The following RBM47 variants were observed in gnomAD, a reference collection of about 807,000 sequenced individuals.
RBM47 encodes the protein RNA-binding protein 47.
RBM47 carries 21 observed loss-of-function variants against 47.1 expected under a neutral mutation model. The observed-to-expected ratio is 0.45, with a 90% confidence interval of 0.32 to 0.64. RBM47 has a LOEUF of 0.64. Among genes scored for constraint, RBM47 ranks in the 30% least tolerant of loss-of-function variants. RBM47 has a pLI of 0.05. For missense variants in RBM47, 708 were observed against 870.9 expected (o/e 0.81, Z 2.35); for synonymous variants, 375 against 361.7 (o/e 1.04, Z -0.42).
intron 3 of RBM47, among the ~76,000 whole-genome samples, chr4:40,441,095 C>G (rs1713552863): frequency 1.3e-5 from 2 of 151,768 alleles, no homozygotes; most frequent in Non-Finnish European, 2.9e-5. Context: ...TCTGTAGTTT[C>G]AAGTTGAAAA....
intron 3 of RBM47, among the ~76,000 whole-genome samples, chr4:40,440,192 A>G (rs1310691955): frequency 2.0e-5 from 3 of 152,246 alleles, no homozygotes; most frequent in Non-Finnish European, 4.4e-5. Flanking sequence ...AGTTAAATTT[A>G]TAGAAAGTTA....
At chr4:40,542,637 C>T (rs1325500867) in intron 2 of RBM47, 1 of 152,340 alleles carries the variant, frequency 6.6e-6, no homozygotes, top group Non-Finnish European at 1.5e-5. Context: ...TCCCAAGTAG[C>T]TGGGACTATG....
At chr4:40,546,115 A>G (rs1428535828) in intron 1 of RBM47, among the ~76,000 whole-genome samples, 1 of 152,028 alleles carries the variant, frequency 6.6e-6, no homozygotes, top group Non-Finnish European at 1.5e-5. Flanking sequence ...TACACAAATA[A>G]TATTCTCTAA....
intron 2 of RBM47, among the ~76,000 whole-genome samples, chr4:40,529,111 G>A (rs933794928): frequency 6.6e-6 from 1 of 152,104 alleles, no homozygotes; most frequent in Non-Finnish European, 1.5e-5. Context: ...CACTTGAAAT[G>A]TGCCGCTGGC....
chr4:40,568,866 A>G (rs372244153), intron 1 of RBM47, among the ~76,000 whole-genome samples: 53 of 151,972 alleles, frequency 3.5e-4, no homozygotes, highest in African/African-American at 1.2e-3. Flanking sequence ...CTGTAGTCCC[A>G]GCTACTCGGG....
intron 1 of RBM47, among the ~76,000 whole-genome samples, chr4:40,590,301 A>G (rs1488414927): frequency 6.6e-6 from 1 of 152,136 alleles, no homozygotes; most frequent in Non-Finnish European, 1.5e-5. Flanking sequence ...AGGATGACAC[A>G]GGAGGATTGC....
chr4:40,441,337 C>A lies in RBM47; in HGVS notation c.-31-2413G>T, dbSNP rs567307063. Among the ~76,000 whole-genome samples the A allele has an allele frequency of 3.6e-3, 539 of 151,772 alleles. 3 individuals carry two copies. Among genetic ancestry groups the A allele is most frequent in the African/African-American group, 0.012 (516 of 41,424 alleles). ...CTCACTATGTTACCCCAGCTAGTCT[C>A]AAACTCCTGGGCTCAAGTAATCCTC... On this transcript the variant is annotated intron_variant, in intron 3 of 6. Transcript: ENST00000295971.
chr4:40,621,660 T>C (rs1199114074), intron 1 of RBM47, among the ~76,000 whole-genome samples: 4 of 152,164 alleles, frequency 2.6e-5, no homozygotes, highest in Non-Finnish European at 2.9e-5. Context: ...TAAATGACAG[T>C]AGAAAAGGTG....
intron 1 of RBM47, among the ~76,000 whole-genome samples, chr4:40,599,885 T>C (rs1329307584): frequency 6.6e-6 from 1 of 152,124 alleles, no homozygotes; most frequent in Non-Finnish European, 1.5e-5. Context: ...TCAGTGAATA[T>C]AGGGTGGTTT....
Position 40,425,888 on chromosome 4 carries a change from G to T in RBM47, c.*16C>A. 1 of 1,613,256 alleles carries T rather than the reference G, an allele frequency of 6.2e-7. No homozygotes were observed. The highest frequency in any genetic ancestry group is 8.5e-7 in the Non-Finnish European group (1 of 1,179,402). On this transcript the variant is annotated 3_prime_UTR_variant, in exon 7 of 7. Transcript: ENST00000295971. ...AGTGGTGTTTGTGTGGTCTGTCTTC[G>T]TGCTGGTCACCAGCCTCAGTATGTC...
At chr4:40,492,534 T>C (rs147614902) in intron 2 of RBM47, among the ~76,000 whole-genome samples, 1 of 152,202 alleles carries the variant, frequency 6.6e-6, no homozygotes, top group Non-Finnish European at 1.5e-5. Flanking sequence ...AGCTCAGGCA[T>C]GCACCTGTGG....
intron 2 of RBM47, among the ~76,000 whole-genome samples, chr4:40,500,245 G>A (rs184348173): frequency 8.3e-4 from 124 of 149,806 alleles, no homozygotes; most frequent in African/African-American, 3.0e-3. Flanking sequence ...CCCTGGAGGT[G>A]GAGGTTGCAG....
chr4:40,572,813 T>G (rs931251481), intron 1 of RBM47, among the ~76,000 whole-genome samples: 10 of 151,920 alleles, frequency 6.6e-5, no homozygotes, highest in African/African-American at 1.7e-4. Context: ...GTGAGCCTCC[T>G]TGTTTATTCA....
chr4:40,450,740 T>C (rs899983152), intron 3 of RBM47, among the ~76,000 whole-genome samples: 1 of 152,206 alleles, frequency 6.6e-6, no homozygotes, highest in Non-Finnish European at 1.5e-5. Context: ...GATAATTCTA[T>C]GTTATGAGGG....
intron 2 of RBM47, among the ~76,000 whole-genome samples, chr4:40,532,013 CTT>C (rs113352276): frequency 1.4e-4 from 19 of 140,288 alleles, no homozygotes; most frequent in Non-Finnish European, 1.1e-4. Flanking sequence ...TTTTTTTTAT[CTT>C]TTTTTTTTTT....
intron 1 of RBM47, among the ~76,000 whole-genome samples, chr4:40,560,398 T>C (rs568568178): frequency 6.6e-6 from 1 of 152,150 alleles, no homozygotes; most frequent in South Asian, 2.1e-4. Flanking sequence ...CTTACCACTC[T>C]TGGATGATCA....
At chr4:40,485,834 C>T (rs1346465535) in intron 2 of RBM47, among the ~76,000 whole-genome samples, 8 of 148,814 alleles carry the variant, frequency 5.4e-5, no homozygotes, top group African/African-American at 1.5e-4. Context: ...CTGAGGTGGG[C>T]GGATTGCTTG....
intron 1 of RBM47, among the ~76,000 whole-genome samples, chr4:40,551,653 T>TC (rs1470074447): frequency 2.7e-5 from 4 of 150,232 alleles, no homozygotes; most frequent in African/African-American, 9.7e-5. Context: ...ACTTTTCTTT[T>TC]TTTTTTTTTT....
rs999373107 is a variant in RBM47, at chr4:40,628,361, C to T, written c.-240+1035G>A. ...TTAAATTAATAGCAACACAAACTCC[C>T]ACAAAGTGATCTCTTCTTATGCTCT... On this transcript the variant is annotated intron_variant, in intron 1 of 6. Coordinates refer to ENST00000295971, the MANE Select transcript of RBM47 (RefSeq NM_001098634.2). The surrounding 1 kb of genome is among the most constrained non-coding windows in gnomAD (Gnocchi z 4.0). Among the ~76,000 whole-genome samples, 2 of 152,162 alleles carry T rather than the reference C, an allele frequency of 1.3e-5. No homozygotes were observed. Among genetic ancestry groups the T allele is most frequent in the Non-Finnish European group, 2.9e-5 (2 of 68,026 alleles).
Sources: allele counts gnomAD v4.1 joint callset (sites outside exome capture counted in the v4.1 genomes callset), GRCh38; gene constraint gnomAD v4.1.1; non-coding constraint Gnocchi (gnomAD v3.1); transcripts MANE v1.5; gene names NCBI Gene and HGNC (gene_info 2026-07-23, HGNC 2026-07-21).